Variants in NKD2 observed in about 807,000 individuals in gnomAD.
NKD2 encodes protein naked cuticle homolog 2.
In NKD2, 43 loss-of-function variants were observed where a neutral mutation model predicts 34.8. The ratio of observed to expected loss-of-function variants is 1.24; its 90% CI spans 0.97 to 1.60. The LOEUF (loss-of-function observed/expected upper bound fraction) is 1.60. Among genes scored for constraint, NKD2 ranks in the 40% most tolerant of loss-of-function variants. The probability of loss-of-function intolerance (pLI) is 0.00; values close to 1 mark genes in which losing one functional copy is unlikely to be tolerated. For missense variants in NKD2, 675 were observed against 627.1 expected, an observed-to-expected ratio of 1.08 and a Z score of -0.82; for synonymous variants, 278 against 265.1, an observed-to-expected ratio of 1.05 and a Z score of -0.47.
chr5:1,036,152 T>G, intron 8 of NKD2, 105 bp from the exon 9 acceptor site: 1 of 1,396,188 alleles, frequency 7.2e-7, no homozygotes. Flanking sequence ...TGGGTGCTGG[T>G]CAGGATGCAC....
In NKD2 at chr5:1,038,468, C is replaced by T; in HGVS notation, c.*95C>T. 1 of 1,533,074 alleles carries T rather than the reference C, an allele frequency of 6.5e-7. No individual in the cohort carries two copies. The highest frequency in any genetic ancestry group is 8.7e-7 in the Non-Finnish European group (1 of 1,145,288). 95.0% of individuals were successfully genotyped at this position (1,533,074 alleles called of 1,614,324 possible). A position where few individuals can be genotyped will look rare whatever the true frequency, so the allele number is the denominator to read the frequency against. ...CTGCCGGCTGTGTGCCCATGGGGAGCCCAGCCCCCACCCCCCACCTCCGAC... is the reference window on the plus strand; with the variant it reads ...CTGCCGGCTGTGTGCCCATGGGGAGTCCAGCCCCCACCCCCCACCTCCGAC... On this transcript the variant is annotated 3_prime_UTR_variant, in exon 10 of 10. Transcript: ENST00000296849. This position sits in a 1 kb window ranked among gnomAD's most constrained non-coding sequence, Gnocchi z 4.5.
chr5:1,036,496 C>G, intron 9 of NKD2, 112 bp downstream of exon 9: 3 of 560,586 alleles, frequency 5.4e-6, no homozygotes, highest in Non-Finnish European at 8.3e-6. Flanking sequence ...TGCCCCGCCC[C>G]CCCCCAACCC....
chr5:1,029,095 A>G (rs1756539104), intron 3 of NKD2, among the ~76,000 whole-genome samples: 1 of 151,552 alleles, frequency 6.6e-6, no homozygotes, highest in Non-Finnish European at 1.5e-5. Context: ...TTATGCAACC[A>G]GGACGGATCT....
chr5:1,008,940 C>G lies in NKD2; in HGVS notation c.-118C>G, dbSNP rs1482727536. 5.0e-6 allele frequency: 2 copies of G among 396,468 alleles called. No individual in the cohort carries two copies. Among genetic ancestry groups the G allele is most frequent in the East Asian group, 7.4e-5 (2 of 27,102 alleles). The allele number at this position is 396,468 out of a possible 1,614,324, so 24.6% of individuals were successfully genotyped here. Reference sequence around the variant, plus strand: ...CGCGGCGTGGAGCCATCTTCCCTCACCTCCTACCGGCACCCTAGCTTGCTC... The same window carrying G: ...CGCGGCGTGGAGCCATCTTCCCTCAGCTCCTACCGGCACCCTAGCTTGCTC... On this transcript the variant is annotated 5_prime_UTR_variant, in exon 1 of 10. Transcript: ENST00000296849.
intron 3 of NKD2, among the ~76,000 whole-genome samples, chr5:1,017,919 C>T (rs1445211413): frequency 6.6e-6 from 1 of 151,562 alleles, no homozygotes; most frequent in Middle Eastern, 3.4e-3. Context: ...GGTGCAGGGC[C>T]TGTGGTGCTG....
At chr5:1,032,748 GT>G (rs893401333) in intron 4 of NKD2, among the ~76,000 whole-genome samples, 3 of 152,262 alleles carry the variant, frequency 2.0e-5, no homozygotes, top group African/African-American at 7.2e-5. Context: ...CACCCCCTCA[GT>G]GGGAAGGCAG....
At chr5:1,035,026 G>T in intron 7 of NKD2, 123 bp downstream of exon 7, 1 of 903,964 alleles carries the variant, frequency 1.1e-6, no homozygotes. Flanking sequence ...ATGGATGGGT[G>T]AGTGAGTGAA....
intron 3 of NKD2, among the ~76,000 whole-genome samples, chr5:1,024,280 G>C (rs1174368831): frequency 9.0e-5 from 1 of 11,076 alleles, no homozygotes; most frequent in African/African-American, 1.1e-4. Flanking sequence ...GGGCGTCTCA[G>C]CCCGTTGTCC....
intron 3 of NKD2, among the ~76,000 whole-genome samples, chr5:1,017,103 G>A (rs1229471357): frequency 3.3e-5 from 5 of 152,320 alleles, no homozygotes; most frequent in Non-Finnish European, 5.9e-5. Context: ...TAGCAGAGCC[G>A]ACCCTATCCT....
At chr5:1,018,021 C>CG (rs1012176495) in intron 3 of NKD2, among the ~76,000 whole-genome samples, 1 of 151,904 alleles carries the variant, frequency 6.6e-6, no homozygotes, top group African/African-American at 2.4e-5. Flanking sequence ...GAAGCGTGGC[C>CG]CCCCAGAGGC....
At chr5:1,037,091 G>A (rs905318668) in intron 9 of NKD2, among the ~76,000 whole-genome samples, 12 of 152,056 alleles carry the variant, frequency 7.9e-5, no homozygotes, top group Non-Finnish European at 1.8e-4. Context: ...ACAGCAGGCA[G>A]TGTGGATGGC....
Position 1,038,906 on chromosome 5 carries a change from C to A in NKD2, c.*533C>A. ...GCATCCGCGGCTCCCCGCAGGAGGC[C>A]AAGCAGCAGAAGGCAGCAGTGCTAG... On this transcript the variant is annotated 3_prime_UTR_variant, in exon 10 of 10. Transcript: ENST00000296849. The surrounding 1 kb of genome is among the most constrained non-coding windows in gnomAD (Gnocchi z 4.5). 1 of 217,302 alleles carries A rather than the reference C, an allele frequency of 4.6e-6. No individual in the cohort carries two copies. The highest frequency in any genetic ancestry group is 1.2e-4 in the East Asian group (1 of 8,174). 13.5% of individuals were successfully genotyped at this position (217,302 alleles called of 1,614,324 possible). A position where few individuals can be genotyped will look rare whatever the true frequency, so the allele number is the denominator to read the frequency against.
Position 1,038,331 on chromosome 5 carries a change from GCACCAC to G in NKD2, c.1336_1341del (p.His446_His447del), listed in dbSNP as rs3840989. On this transcript the variant is annotated inframe_deletion, in exon 10 of 10. Transcript: ENST00000296849. This position sits in a 1 kb window ranked among gnomAD's most constrained non-coding sequence, Gnocchi z 4.5. ...GGCACGAGCACCACCACCACCACGA[GCACCAC>G]CACCACCACCACCACCACCACTTCC... The G allele has an allele frequency of 1.0e-3, 1,524 of 1,528,516 alleles. 8 individuals are homozygous for G. The highest frequency in any genetic ancestry group is 2.8e-3 in the South Asian group (234 of 83,088). 94.7% of individuals were successfully genotyped at this position (1,528,516 alleles called of 1,614,324 possible).
intron 3 of NKD2, among the ~76,000 whole-genome samples, chr5:1,027,761 G>A (rs1230861925): frequency 6.6e-6 from 1 of 152,252 alleles, no homozygotes; most frequent in African/African-American, 2.4e-5. Flanking sequence ...AGGCCCAGGA[G>A]GGGACAGCGC....
In NKD2 at chr5:1,033,433, T is replaced by G. The variant is rs762081407; in HGVS notation, c.264T>G (p.Asp88Glu). 1.5e-5 allele frequency: 23 copies of G among 1,582,290 alleles called. No individual in the cohort carries two copies. The highest frequency in any genetic ancestry group is 2.0e-5 in the Non-Finnish European group (23 of 1,164,918). ...REHPGQLLSA[D>E]DGERAANREG... ...ACCCGGGACAACTCCTCAGCGCAGATGACGGAGAGAGGGCAGCAAACCGCG... is the reference window on the plus strand; with the variant it reads ...ACCCGGGACAACTCCTCAGCGCAGAGGACGGAGAGAGGGCAGCAAACCGCG... The change falls in exon 5 of 10, where the codon GAT (aspartate) becomes GAG (glutamate). Residue 88 changes from aspartate (D) to glutamate (E), a missense_variant. Asp to Glu is a conservative substitution (Grantham distance 45). Transcript: ENST00000296849.
At chr5:1,024,552 G>T (rs1167926136) in intron 3 of NKD2, among the ~76,000 whole-genome samples, 14 of 68,560 alleles carry the variant, frequency 2.0e-4, no homozygotes, top group African/African-American at 5.8e-4. Context: ...CTTCCCACCC[G>T]CTGTGGGCGT....
At chr5:1,017,410 G>A (rs1329224083) in intron 3 of NKD2, among the ~76,000 whole-genome samples, 1 of 152,270 alleles carries the variant, frequency 6.6e-6, no homozygotes. Flanking sequence ...CCCAGACAGA[G>A]CTGGAGCAGG....
intron 3 of NKD2, among the ~76,000 whole-genome samples, chr5:1,019,087 T>C (rs556265280): frequency 1.3e-5 from 2 of 152,264 alleles, no homozygotes; most frequent in East Asian, 3.9e-4. Flanking sequence ...GGCGGGGCTG[T>C]GATTGCCTCT....
At chr5:1,037,664 TCTGA>T in intron 9 of NKD2, 137 bp from the exon 10 acceptor site, 1 of 1,536,298 alleles carries the variant, frequency 6.5e-7, no homozygotes. Flanking sequence ...CTGGTGGCCG[TCTGA>T]CTGCAGACTT....
Sources: allele counts gnomAD v4.1 joint callset (sites outside exome capture counted in the v4.1 genomes callset), GRCh38; gene constraint gnomAD v4.1.1; non-coding constraint Gnocchi (gnomAD v3.1); transcripts MANE v1.5; gene names NCBI Gene and HGNC (gene_info 2026-07-23, HGNC 2026-07-21).